Variants in PLEKHA8 observed in about 807,000 individuals in gnomAD.
PLEKHA8 encodes the protein pleckstrin homology domain-containing family A member 8.
Under a neutral mutation model 68.2 loss-of-function variants are expected in PLEKHA8, and 36 were observed. The observed-to-expected ratio is 0.53, with a 90% CI of 0.40 to 0.70. PLEKHA8 has a LOEUF of 0.70. Among genes scored for constraint, PLEKHA8 ranks in the 30% least tolerant of loss-of-function variants. The pLI, the probability that PLEKHA8 is intolerant of heterozygous loss-of-function variation, is 0.00. For synonymous variants in PLEKHA8, 211 were observed against 216.1 expected, an observed-to-expected ratio of 0.98 and a Z score of 0.20; for missense variants, 505 against 615.4, an observed-to-expected ratio of 0.82 and a Z score of 1.90.
chr7:30,032,801 T>C (rs1790764576), intron 1 of PLEKHA8, among the ~76,000 whole-genome samples: 1 of 152,382 alleles, frequency 6.6e-6, no homozygotes, highest in Non-Finnish European at 1.5e-5. Flanking sequence ...TTCTACTTTG[T>C]AGTTTTAGGT....
rs139472864 is a variant in PLEKHA8 at position 30,036,246 on chromosome 7, T to A, written c.40+7444T>A. On this transcript the variant is annotated intron_variant, in intron 1 of 13. Transcript: ENST00000449726. ...CCAAGATCACACCTGTGTTCCAGCC[T>A]GGGCAACAGAACGAGACTCTGTTGC... Among the ~76,000 whole-genome samples the A allele has an allele frequency of 4.8e-4, 73 of 151,540 alleles. 1 individual carries two copies. The highest frequency in any genetic ancestry group is 3.4e-3 in the Middle Eastern group (1 of 292).
At chr7:30,034,785 T>A (rs1032619544) in intron 1 of PLEKHA8, among the ~76,000 whole-genome samples, 1 of 151,932 alleles carries the variant, frequency 6.6e-6, no homozygotes, top group Non-Finnish European at 1.5e-5. Context: ...TCAACTGTAT[T>A]TTCTTTTCTG....
intron 9 of PLEKHA8, 137 bp downstream of exon 9, chr7:30,055,479 A>G: frequency 2.8e-6 from 2 of 702,062 alleles, no homozygotes. Context: ...CCAGACACAT[A>G]CAGTTAAAAC....
At position 30,082,141 on chromosome 7, in the gene PLEKHA8, A is replaced by G. The variant is rs1583448149; in HGVS notation, c.*3354A>G. 2 of 985,286 alleles carry G rather than the reference A, an allele frequency of 2.0e-6. No homozygotes were observed. Among genetic ancestry groups the G allele is most frequent in the Admixed American group, 6.2e-5 (1 of 16,260 alleles). 61.0% of individuals were successfully genotyped at this position (985,286 alleles called of 1,614,324 possible). The stretch of plus-strand genomic sequence containing the variant: ...CGAAGGGTAGTTCTCATTAGGATGT[A>G]TAAGTAGTGGCTTGAGGCACCTTCT... On this transcript the variant is annotated 3_prime_UTR_variant, in exon 14 of 14. Transcript: ENST00000449726.
At chr7:30,077,991 G>A (rs1794714145) in intron 13 of PLEKHA8, among the ~76,000 whole-genome samples, 3 of 152,108 alleles carry the variant, frequency 2.0e-5, no homozygotes, top group African/African-American at 7.2e-5. Context: ...ATAAAATAGA[G>A]ATATAAACTG....
At chr7:30,056,742 A>AAAG (rs749308104) in intron 9 of PLEKHA8, among the ~76,000 whole-genome samples, 2 of 74,784 alleles carry the variant, frequency 2.7e-5, no homozygotes, top group African/African-American at 1.0e-4. Flanking sequence ...AAAAAAAAAA[A>AAAG]GTGTGTGTGT....
At chr7:30,045,836 T>TAA (rs1583796021) in intron 2 of PLEKHA8, among the ~76,000 whole-genome samples, 1 of 152,176 alleles carries the variant, frequency 6.6e-6, no homozygotes, top group African/African-American at 2.4e-5. Flanking sequence ...TCCAAGGAGA[T>TAA]AAAAAACATA....
intron 9 of PLEKHA8, among the ~76,000 whole-genome samples, chr7:30,057,697 A>G (rs61698976): frequency 0.16 from 24,326 of 152,004 alleles, 1,992 homozygotes; most frequent in African/African-American, 0.2. Context: ...CTGACCTCAC[A>G]TGATCTGCCC....
chr7:30,051,665 A>C (rs946785793), intron 6 of PLEKHA8, among the ~76,000 whole-genome samples: 1 of 152,086 alleles, frequency 6.6e-6, no homozygotes, highest in Non-Finnish European at 1.5e-5. Flanking sequence ...TTTCTCTCAG[A>C]CATACTTTAT....
Position 30,080,987 on chromosome 7 carries a change from A to C in PLEKHA8, c.*2200A>C, listed in dbSNP as rs1794902803. ...CTGGTGCTCCCTGTCACCTCAGGTG[A>C]ACTCTGTGGTCTCTTGGAGAGGTAG... On this transcript the variant is annotated 3_prime_UTR_variant, in exon 14 of 14. Transcript: ENST00000449726. 1 of 985,242 alleles carries C rather than the reference A, an allele frequency of 1.0e-6. No individual in the cohort carries two copies. Among genetic ancestry groups the C allele is most frequent in the South Asian group, 4.7e-5 (1 of 21,288 alleles). 61.0% of individuals were successfully genotyped at this position (985,242 alleles called of 1,614,324 possible). A position where few individuals can be genotyped will look rare whatever the true frequency, so the allele number is the denominator to read the frequency against.
chr7:30,090,058 AAG>A, intron 12 of PLEKHA8: 2 of 1,289,316 alleles, frequency 1.6e-6, no homozygotes, highest in Non-Finnish European at 2.1e-6. Context: ...CAAAAATAAA[AAG>A]GAACTAAAAA....
rs1440122055 is a variant in PLEKHA8, at chr7:30,078,900, A to T, written c.*113A>T. ...CTCTCCAACCCCTTCACCTGGGGGGATGGACAGGAGGTGGCAAAACCCAGT... is the reference window on the plus strand; with the variant it reads ...CTCTCCAACCCCTTCACCTGGGGGGTTGGACAGGAGGTGGCAAAACCCAGT... On this transcript the variant is annotated 3_prime_UTR_variant, in exon 14 of 14. Transcript: ENST00000449726. 4 of 1,452,382 alleles carry T rather than the reference A, an allele frequency of 2.8e-6. No homozygotes were observed. The East Asian group carries it at 9.9e-5, about 36-fold the overall frequency. 90.0% of individuals were successfully genotyped at this position (1,452,382 alleles called of 1,614,324 possible).
chr7:30,115,800 G>A (rs1422195892), intron 13 of PLEKHA8: 1 of 144,602 alleles, frequency 6.9e-6, no homozygotes, highest in Non-Finnish European at 1.5e-5. Flanking sequence ...GCACATACAT[G>A]TATACACGCA....
intron 12 of PLEKHA8, among the ~76,000 whole-genome samples, chr7:30,070,930 T>C (rs1794194543): frequency 1.3e-5 from 2 of 152,204 alleles, no homozygotes; most frequent in African/African-American, 4.8e-5. Context: ...TGTTACTTGC[T>C]ACAGACTGTA....
chr7:30,090,663 G>A (rs536740387), exon 13 of PLEKHA8: 16 of 534,862 alleles, frequency 3.0e-5, no homozygotes, highest in Non-Finnish European at 3.8e-5. Context: ...GCAGAGACTT[G>A]ATACTGTCTC....
intron 13 of PLEKHA8, among the ~76,000 whole-genome samples, chr7:30,097,250 G>A (rs908586580): frequency 5.3e-5 from 8 of 152,144 alleles, no homozygotes; most frequent in Non-Finnish European, 1.0e-4. Context: ...CTCTCTGGCT[G>A]CCCTTAACAT....
intron 3 of PLEKHA8, 75 bp downstream of exon 3, chr7:30,046,440 A>T: frequency 6.8e-7 from 1 of 1,478,676 alleles, no homozygotes; most frequent in Non-Finnish European, 9.0e-7. Flanking sequence ...CTTATTTGTT[A>T]TCTTGCTTCT....
chr7:30,056,742 AGTGTGTGTGTGTGTGTGTGTG>A (rs1461150643), intron 9 of PLEKHA8, among the ~76,000 whole-genome samples: 2 of 74,784 alleles, frequency 2.7e-5, no homozygotes, highest in African/African-American at 5.2e-5. Flanking sequence ...AAAAAAAAAA[AGTGTGTGTGTGTGTGTGTGTG>A]TGTGTGTGTG....
chr7:30,126,441 G>A (rs1434173424), intron 13 of PLEKHA8, among the ~76,000 whole-genome samples: 2 of 152,108 alleles, frequency 1.3e-5, no homozygotes, highest in African/African-American at 4.8e-5. Context: ...ACTTACATAA[G>A]GCTAAATGAA....
Sources: gnomAD v4.1 joint callset for allele counts (sites outside exome capture counted in the v4.1 genomes callset) on GRCh38, gnomAD v4.1.1 for gene constraint, MANE v1.5 for transcripts, NCBI Gene and HGNC (gene_info 2026-07-23, HGNC 2026-07-21) for gene names.